The following TPCN1 variants were observed in gnomAD, a reference collection of about 807,000 sequenced individuals.
TPCN1 encodes two pore segment channel 1, also known as two pore channel protein 1.
A neutral mutation model predicts 108.8 loss-of-function variants in TPCN1; 52 were observed. The ratio of observed to expected loss-of-function variants is 0.48; its 90% confidence interval spans 0.38 to 0.60. The LOEUF is 0.60. TPCN1 is among the 20% of genes least tolerant of loss of function. TPCN1 has a pLI of 0.00. For synonymous variants in TPCN1, 446 were observed against 433.7 expected (o/e 1.03, Z -0.35); for missense variants, 806 against 1,072.8 (o/e 0.75, Z 3.47).
At position 113,226,805 on chromosome 12, in the gene TPCN1, A is replaced by G. The variant is rs768953548; in HGVS notation, c.-48A>G. ...TGAAAGGGAGCTCAAACCAGAGACT[A>G]TTTCAAGCCCTGGATATCATATCCT... On this transcript the variant is annotated 5_prime_UTR_variant, in exon 2 of 28. Coordinates refer to ENST00000335509, the MANE Select transcript of TPCN1 (RefSeq NM_017901.6). 3.1e-6 allele frequency: 5 copies of G among 1,613,240 alleles called. No individual in the cohort carries two copies. Among genetic ancestry groups the G allele is most frequent in the Non-Finnish European group, 3.4e-6 (4 of 1,179,634 alleles).
At chr12:113,236,037 G>A (rs1566139942) in intron 2 of TPCN1, among the ~76,000 whole-genome samples, 1 of 152,206 alleles carries the variant, frequency 6.6e-6, no homozygotes, top group Non-Finnish European at 1.5e-5. Context: ...CACTCCTAGA[G>A]CCATACTGAA....
rs1044844113 is a variant in TPCN1 at position 113,232,133 on chromosome 12, C to T, written c.112+5169C>T. ...CTGAGGTCTGAGCAGGATGCTCCGT[C>T]TCTGCTTTGGTGCCGGGTTGTTTAT... is the stretch of plus-strand genomic sequence containing the variant. On this transcript the variant is annotated intron_variant, in intron 2 of 27. Coordinates refer to ENST00000335509, the MANE Select transcript of TPCN1 (RefSeq NM_017901.6). This position sits in a 1 kb window ranked among gnomAD's most constrained non-coding sequence, Gnocchi z 5.6. 1.3e-5 allele frequency among the ~76,000 whole-genome samples: 2 copies of T among 152,260 alleles called. No individual in the cohort carries two copies. The highest frequency in any genetic ancestry group is 2.9e-5 in the Non-Finnish European group (2 of 68,042).
At chr12:113,223,435 C>CTTTTTTTTTTTTTTTTTTTTT (rs1172851714) in intron 1 of TPCN1, among the ~76,000 whole-genome samples, 2 of 120,294 alleles carry the variant, frequency 1.7e-5, no homozygotes, top group African/African-American at 3.1e-5. Flanking sequence ...TCTGCTGAGT[C>CTTTTTTTTTTTTTTTTTTTTT]TTTTTTTTTT....
rs1956012901 is a variant in TPCN1, at chr12:113,284,827, C to T, written c.1453+56C>T. 2 of 1,580,904 alleles carry T rather than the reference C, an allele frequency of 1.3e-6. No individual in the cohort carries two copies. The highest frequency in any genetic ancestry group is 1.7e-6 in the Non-Finnish European group (2 of 1,149,778). On this transcript the variant is annotated intron_variant, in intron 17 of 27. Transcript: ENST00000335509. The surrounding 1 kb of genome is among the most constrained non-coding windows in gnomAD (Gnocchi z 4.1). ...CTTGTTTTAAAATTGTCTGGGAGAA[C>T]TTTCATTCAGTGTAGAACCTCATGG...
intron 22 of TPCN1, 56 bp downstream of exon 22, chr12:113,290,299 C>A (rs1481162407): frequency 1.6e-6 from 2 of 1,231,468 alleles, no homozygotes; most frequent in Non-Finnish European, 2.3e-6. Flanking sequence ...CCTTGTCACC[C>A]TTGTCACCAC....
intron 2 of TPCN1, among the ~76,000 whole-genome samples, chr12:113,236,770 T>G (rs1953915262): frequency 6.6e-6 from 1 of 152,142 alleles, no homozygotes; most frequent in Non-Finnish European, 1.5e-5. Context: ...TGACTTCTCC[T>G]GCTGGGACTT....
Position 113,284,552 on chromosome 12 carries a change from TC to T in TPCN1, c.1343-28del. The T allele has an allele frequency of 6.2e-7, 1 of 1,613,638 alleles. No individual in the cohort carries two copies. The highest frequency in any genetic ancestry group is 8.5e-7 in the Non-Finnish European group (1 of 1,179,836). Reference sequence around the variant, plus strand: ...GATTTCTAAGCCCCCCTGTTATTTCTCTGTCTTTTACGGGCCTGTGTATTTC... The same window carrying T: ...GATTTCTAAGCCCCCCTGTTATTTCTTGTCTTTTACGGGCCTGTGTATTTC... On this transcript the variant is annotated intron_variant, in intron 15 of 27. Transcript: ENST00000335509. The surrounding 1 kb of genome is among the most constrained non-coding windows in gnomAD (Gnocchi z 4.1).
At position 113,278,828 on chromosome 12, in the gene TPCN1, C is replaced by A. The variant is rs780814845; in HGVS notation, c.1290C>A (p.Ile430=). Residue 430 remains isoleucine (I), a synonymous_variant, in exon 14 of 28, where the codon ATC becomes ATA. Transcript: ENST00000335509. ...FDELPRTALL[I]FKGINILVKS... ...AGCTTCCCAGGACGGCGCTCCTCAT[C>A]TTCAAAGGTAAGTGGGCTTGAGTAT... 1.2e-6 allele frequency: 2 copies of A among 1,613,958 alleles called. No individual in the cohort carries two copies. Among genetic ancestry groups the A allele is most frequent in the Non-Finnish European group, 1.7e-6 (2 of 1,179,898 alleles).
In TPCN1 at chr12:113,255,638, G is replaced by A. The variant is rs534107366; in HGVS notation, c.113-4730G>A. Among the ~76,000 whole-genome samples the A allele has an allele frequency of 9.9e-5, 15 of 152,020 alleles. No homozygotes were observed. In the South Asian group the frequency reaches 2.9e-3, roughly 30 times the overall value. On this transcript the variant is annotated intron_variant, in intron 2 of 27. Coordinates refer to ENST00000335509, the MANE Select transcript of TPCN1 (RefSeq NM_017901.6). ...CCTCCTGGGCTCAAGTGAGTCTCAT[G>A]CCTCAGCCTCCTGAGTAGCTGGGAC...
At position 113,268,882 on chromosome 12, in the gene TPCN1, G is replaced by A. The variant is rs749048898; in HGVS notation, c.659+10G>A. On this transcript the variant is annotated intron_variant, in intron 6 of 27. Coordinates refer to ENST00000335509, the MANE Select transcript of TPCN1 (RefSeq NM_017901.6). The surrounding 1 kb of genome is among the most constrained non-coding windows in gnomAD (Gnocchi z 7.3). ...GCGGTGGCGTCCGGCGGTAAGGCCCGGGTGGGGAGCTGGGCAGTCACTATC... is the reference window on the plus strand; with the variant it reads ...GCGGTGGCGTCCGGCGGTAAGGCCCAGGTGGGGAGCTGGGCAGTCACTATC... 79 of 1,613,334 alleles carry A rather than the reference G, an allele frequency of 4.9e-5. No individual in the cohort carries two copies. Among genetic ancestry groups the A allele is most frequent in the African/African-American group, 1.1e-4 (8 of 74,912 alleles).
intron 2 of TPCN1, among the ~76,000 whole-genome samples, chr12:113,241,801 T>C (rs1041239189): frequency 2.0e-5 from 3 of 151,534 alleles, no homozygotes; most frequent in African/African-American, 4.9e-5. Context: ...TGTGCGTGTG[T>C]GTGTATGAGA....
intron 2 of TPCN1, among the ~76,000 whole-genome samples, chr12:113,258,790 G>A (rs79634621): frequency 6.6e-6 from 1 of 152,200 alleles, no homozygotes; most frequent in East Asian, 1.9e-4. Flanking sequence ...CTTAAAAAAA[G>A]CAGGGAGCTG....
chr12:113,241,410 C>A (rs750062261), intron 2 of TPCN1, among the ~76,000 whole-genome samples: 1 of 152,208 alleles, frequency 6.6e-6, no homozygotes, highest in Non-Finnish European at 1.5e-5. Context: ...TCATGGAAGC[C>A]GGGTCCAGCC....
intron 12 of TPCN1, 21 bp from the exon 13 acceptor site, chr12:113,278,167 CT>C: frequency 1.2e-6 from 2 of 1,611,220 alleles, no homozygotes; most frequent in Non-Finnish European, 1.7e-6. Flanking sequence ...TATTTTGTCC[CT>C]TTTTATTTTG....
rs147446684 is a variant in TPCN1, at chr12:113,268,858, C to T, written c.645C>T (p.Cys215=). 3.1e-5 allele frequency: 50 copies of T among 1,613,750 alleles called. No individual in the cohort carries two copies. The South Asian group carries it at 3.5e-4, about 11-fold the overall frequency. ...RCIFLVDCRY[C]GGVRRNLRQI... ...TTTTCCTGGTGGACTGTCGGTATTG[C>T]GGTGGCGTCCGGCGGTAAGGCCCGG... Residue 215 remains cysteine (C), a synonymous_variant, in exon 6 of 28, where the codon TGC becomes TGT. Transcript: ENST00000335509. The surrounding 1 kb of genome is among the most constrained non-coding windows in gnomAD (Gnocchi z 7.3).
intron 2 of TPCN1, among the ~76,000 whole-genome samples, chr12:113,236,311 C>G (rs1180819364): frequency 6.6e-6 from 1 of 152,164 alleles, no homozygotes; most frequent in East Asian, 1.9e-4. Context: ...AGTCTCCCAC[C>G]CCCCGGCACC....
intron 2 of TPCN1, chr12:113,244,688 C>T (rs959978225): frequency 2.0e-5 from 20 of 985,268 alleles, no homozygotes; most frequent in African/African-American, 7.0e-5. Flanking sequence ...AGCGGCGGGG[C>T]GGTTGCTCGT....
Position 113,288,640 on chromosome 12 carries a change from G to C in TPCN1, c.1707-118G>C. 1 of 1,538,516 alleles carries C rather than the reference G, an allele frequency of 6.5e-7. No homozygotes were observed. Among genetic ancestry groups the C allele is most frequent in the South Asian group, 1.2e-5 (1 of 82,402 alleles). ...CTTCCCCGCAGGCACTTTCCAGTTGGTGAACCGACCAGGGGCATGGCCCTG... is the reference window on the plus strand; with the variant it reads ...CTTCCCCGCAGGCACTTTCCAGTTGCTGAACCGACCAGGGGCATGGCCCTG... On this transcript the variant is annotated intron_variant, in intron 20 of 27. Transcript: ENST00000335509. The surrounding 1 kb of genome is among the most constrained non-coding windows in gnomAD (Gnocchi z 4.8).
chr12:113,252,991 C>T (rs764846494), intron 2 of TPCN1, among the ~76,000 whole-genome samples: 1 of 152,150 alleles, frequency 6.6e-6, no homozygotes, highest in African/African-American at 2.4e-5. Context: ...TATTTTTGGT[C>T]CTTTTGGCAC....
Sources: allele counts gnomAD v4.1 joint callset (sites outside exome capture counted in the v4.1 genomes callset), GRCh38; gene constraint gnomAD v4.1.1; non-coding constraint Gnocchi (gnomAD v3.1); transcripts MANE v1.5; gene names NCBI Gene and HGNC (gene_info 2026-07-23, HGNC 2026-07-21).